Variants in SRGAP1 observed in about 807,000 individuals in gnomAD.
SRGAP1 encodes the protein SLIT-ROBO Rho GTPase-activating protein 1.
A neutral mutation model predicts 121.9 loss-of-function variants in SRGAP1; 43 were observed. The observed-to-expected ratio is 0.35, with a 90% CI of 0.28 to 0.46. The LOEUF (loss-of-function observed/expected upper bound fraction) is 0.46. Ranked by LOEUF, SRGAP1 falls within the 20% of genes least tolerant of loss-of-function variation. The pLI, the probability that SRGAP1 is intolerant of heterozygous loss-of-function variation, is 1.00. For missense variants in SRGAP1, 1,102 were observed against 1,350.9 expected (o/e 0.82, Z 2.89); for synonymous variants, 447 against 485.4 (o/e 0.92, Z 1.04).
chr12:63,911,551 C>G (rs922799610), intron 1 of SRGAP1, among the ~76,000 whole-genome samples: 3 of 152,166 alleles, frequency 2.0e-5, no homozygotes, highest in Non-Finnish European at 4.4e-5. Context: ...ACTACAGCTG[C>G]TAAATTAAGA....
intron 17 of SRGAP1, among the ~76,000 whole-genome samples, chr12:64,114,540 A>G (rs1051157175): frequency 9.2e-5 from 14 of 151,986 alleles, no homozygotes; most frequent in Admixed American, 7.9e-4. Context: ...TAGCAGAGAC[A>G]GGGTTTCACC....
chr12:63,879,351 A>G (rs369297230), intron 1 of SRGAP1: 1 of 152,190 alleles, frequency 6.6e-6, no homozygotes. Context: ...GCACCTCTGC[A>G]TACTTACATA....
Position 64,054,056 on chromosome 12 carries a change from TC to T in SRGAP1, c.802-8860del, listed in dbSNP as rs1234902211. On this transcript the variant is annotated intron_variant, in intron 6 of 21. Transcript: ENST00000355086. Reference sequence around the variant, plus strand: ...ACCTTCAAAATGTATTCAGAGAAACTCAGTCCTCAACAATAAAATTCTATCC... The same window carrying T: ...ACCTTCAAAATGTATTCAGAGAAACTAGTCCTCAACAATAAAATTCTATCC... Among the ~76,000 whole-genome samples, 59 of 152,296 alleles carry T rather than the reference TC, an allele frequency of 3.9e-4. No individual in the cohort carries two copies. The East Asian group carries it at 0.01, about 26-fold the overall frequency.
intron 1 of SRGAP1, among the ~76,000 whole-genome samples, chr12:63,965,534 G>A (rs973872996): frequency 6.6e-6 from 1 of 152,012 alleles, no homozygotes; most frequent in Non-Finnish European, 1.5e-5. Flanking sequence ...GGCTGGGTGT[G>A]GTAGCTCACA....
At chr12:64,042,671 T>C in intron 4 of SRGAP1, 119 bp from the exon 5 acceptor site, 1 of 660,004 alleles carries the variant, frequency 1.5e-6, no homozygotes, top group Non-Finnish European at 2.5e-6. Context: ...ACAATCTGAC[T>C]TTTCCCCTCT....
At chr12:63,852,121 T>C (rs1191051614) in intron 1 of SRGAP1, among the ~76,000 whole-genome samples, 1 of 152,138 alleles carries the variant, frequency 6.6e-6, no homozygotes, top group Non-Finnish European at 1.5e-5. Flanking sequence ...GCCTCCTGTG[T>C]AGCTGGGACT....
At chr12:63,954,503 C>G (rs1201880236) in intron 1 of SRGAP1, among the ~76,000 whole-genome samples, 1 of 151,726 alleles carries the variant, frequency 6.6e-6, no homozygotes, top group African/African-American at 2.4e-5. Context: ...ATGGTGAAAC[C>G]CCGTCTCTAC....
chr12:63,887,182 T>C (rs1028768443), intron 1 of SRGAP1, among the ~76,000 whole-genome samples: 1 of 152,184 alleles, frequency 6.6e-6, no homozygotes, highest in African/African-American at 2.4e-5. Flanking sequence ...CCAGATTTAA[T>C]GATTTTAACC....
rs544947348 is a variant in SRGAP1 at position 64,109,244 on chromosome 12, G to A, written c.1919+207G>A. 1.4e-5 allele frequency: 5 copies of A among 370,196 alleles called. No individual in the cohort carries two copies. The East Asian group carries it at 2.0e-4, about 15-fold the overall frequency. 22.9% of individuals were successfully genotyped at this position (370,196 alleles called of 1,614,324 possible). On this transcript the variant is annotated intron_variant, in intron 16 of 21. Transcript: ENST00000355086. ...AAGCCCTACCCCAGATGTAAAAACTGTGGCCACAAATGCAAAGATATTTAA... is the reference window on the plus strand; with the variant it reads ...AAGCCCTACCCCAGATGTAAAAACTATGGCCACAAATGCAAAGATATTTAA...
intron 1 of SRGAP1, among the ~76,000 whole-genome samples, chr12:63,925,358 A>G (rs998332047): frequency 6.6e-6 from 1 of 152,234 alleles, no homozygotes; most frequent in Non-Finnish European, 1.5e-5. Context: ...AATGAGATGT[A>G]TAATGTCTTA....
At chr12:63,940,055 G>A (rs1240786334) in intron 1 of SRGAP1, among the ~76,000 whole-genome samples, 1 of 151,578 alleles carries the variant, frequency 6.6e-6, no homozygotes, top group Non-Finnish European at 1.5e-5. Flanking sequence ...TCTACCTCCC[G>A]GGTTCAAGCG....
At chr12:64,053,195 A>G (rs971235432) in intron 6 of SRGAP1, among the ~76,000 whole-genome samples, 1 of 152,132 alleles carries the variant, frequency 6.6e-6, no homozygotes, top group Non-Finnish European at 1.5e-5. Flanking sequence ...GTGGATAAAC[A>G]TTTTCTGTAA....
At position 63,903,648 on chromosome 12, in the gene SRGAP1, G is replaced by A. The variant is rs114261014; in HGVS notation, c.67+58765G>A. ...GCAGTCTTTGTTCACCGCAACGTCT[G>A]CCTTGAGACAGAGTCTCACTCTGTT... is the stretch of plus-strand genomic sequence containing the variant. On this transcript the variant is annotated intron_variant, in intron 1 of 21. Transcript: ENST00000355086. Among the ~76,000 whole-genome samples, 1,274 of 149,254 alleles carry A rather than the reference G, an allele frequency of 8.5e-3. 18 individuals carry two copies. The highest frequency in any genetic ancestry group is 0.031 in the African/African-American group (1,226 of 39,470).
At chr12:64,039,447 C>A (rs1053496380) in intron 4 of SRGAP1, among the ~76,000 whole-genome samples, 2 of 152,122 alleles carry the variant, frequency 1.3e-5, no homozygotes, top group Admixed American at 1.3e-4. Context: ...TTATACTAGT[C>A]CTCAGTGTCC....
chr12:63,887,760 A>G (rs1592917505), intron 1 of SRGAP1: 2 of 152,214 alleles, frequency 1.3e-5, no homozygotes, highest in African/African-American at 4.8e-5. Context: ...GATAAGAAGA[A>G]ATTGTTCCTT....
chr12:63,937,608 C>T (rs2031707312), intron 1 of SRGAP1, among the ~76,000 whole-genome samples: 1 of 152,198 alleles, frequency 6.6e-6, no homozygotes, highest in African/African-American at 2.4e-5. Context: ...AGACTGATCT[C>T]CCTTAGGACT....
chr12:63,934,648 A>AC (rs2031597644), intron 1 of SRGAP1, among the ~76,000 whole-genome samples: 1 of 151,680 alleles, frequency 6.6e-6, no homozygotes, highest in African/African-American at 2.4e-5. Context: ...GAGCACAACC[A>AC]CCACCCCCCC....
At chr12:64,131,076 A>C (rs1592350288) in intron 21 of SRGAP1, among the ~76,000 whole-genome samples, 1 of 152,198 alleles carries the variant, frequency 6.6e-6, no homozygotes, top group African/African-American at 2.4e-5. Flanking sequence ...AGTAACCTCC[A>C]TCCCTGCCAC....
At chr12:63,942,773 C>T (rs933484193) in intron 1 of SRGAP1, among the ~76,000 whole-genome samples, 8 of 152,148 alleles carry the variant, frequency 5.3e-5, no homozygotes, top group Non-Finnish European at 8.8e-5. Flanking sequence ...CTCCCAGTGC[C>T]GTCTCCCAGC....
Sources: gnomAD v4.1 joint callset for allele counts (sites outside exome capture counted in the v4.1 genomes callset) on GRCh38, gnomAD v4.1.1 for gene constraint, MANE v1.5 for transcripts, NCBI Gene and HGNC (gene_info 2026-07-23, HGNC 2026-07-21) for gene names.